The following TBC1D10B variants were observed in gnomAD, a reference collection of about 807,000 sequenced individuals.
The protein encoded by TBC1D10B is TBC1 domain family member 10B, also known as Rab27A-GAPbeta.
Under a neutral mutation model 78.4 loss-of-function variants are expected in TBC1D10B, and 25 were observed. The observed-to-expected ratio is 0.32, with a 90% CI of 0.23 to 0.45. TBC1D10B has a LOEUF of 0.45. TBC1D10B is among the 20% of genes least tolerant of loss of function. The pLI is 1.00. For synonymous variants in TBC1D10B, 517 were observed against 478.0 expected (o/e 1.08, Z -1.06); for missense variants, 996 against 1,104.8 (o/e 0.90, Z 1.40).
In TBC1D10B at chr16:30,357,742, G is replaced by T. The variant is rs958326406; in HGVS notation, c.*202C>A. On this transcript the variant is annotated 3_prime_UTR_variant, in exon 9 of 9. Transcript: ENST00000409939. ...GAGACCCCAGCTGAGCCTCATGGGA[G>T]ATGAGAGGCTCCAGACTCATTTGCA... The T allele has an allele frequency of 4.1e-6, 3 of 723,426 alleles. No individual in the cohort carries two copies. Among genetic ancestry groups the T allele is most frequent in the African/African-American group, 1.8e-5 (1 of 56,330 alleles). 44.8% of individuals were successfully genotyped at this position (723,426 alleles called of 1,614,324 possible).
chr16:30,361,567 G>A (rs2049598798), intron 4 of TBC1D10B, among the ~76,000 whole-genome samples: 1 of 150,836 alleles, frequency 6.6e-6, no homozygotes, highest in Non-Finnish European at 1.5e-5. Context: ...TAAAATGCCC[G>A]GCTAATTTTG....
In TBC1D10B at chr16:30,365,989, T is replaced by C. The variant is rs2049632505; in HGVS notation, c.957-395A>G. 2 of 233,252 alleles carry C rather than the reference T, an allele frequency of 8.6e-6. No homozygotes were observed. The highest frequency in any genetic ancestry group is 1.8e-5 in the Non-Finnish European group (2 of 114,210). The allele number at this position is 233,252 out of a possible 1,614,324, so 14.4% of individuals were successfully genotyped here. A position where few individuals can be genotyped will look rare whatever the true frequency, so the allele number is the denominator to read the frequency against. On this transcript the variant is annotated intron_variant, in intron 1 of 8. Coordinates refer to ENST00000409939, the MANE Select transcript of TBC1D10B (RefSeq NM_015527.4). This position sits in a 1 kb window ranked among gnomAD's most constrained non-coding sequence, Gnocchi z 5.0. ...CTGTAAGGTGGAGAAAGTAACAATA[T>C]CTACCCGAAGGGGTTTATACGAAAT...
At chr16:30,359,044 A>C in intron 7 of TBC1D10B, 128 bp downstream of exon 7, 2 of 1,312,750 alleles carry the variant, frequency 1.5e-6, no homozygotes, top group East Asian at 5.1e-5. Context: ...TCCAGCCCCC[A>C]GCTGCTTATG....
intron 4 of TBC1D10B, 100 bp downstream of exon 4, chr16:30,364,800 G>T: frequency 1.8e-6 from 2 of 1,098,596 alleles, no homozygotes; most frequent in Non-Finnish European, 2.6e-6. Flanking sequence ...AGTCCTGAAG[G>T]GCAAAAACCA....
intron 4 of TBC1D10B, among the ~76,000 whole-genome samples, chr16:30,364,126 A>C: frequency 6.6e-6 from 1 of 151,732 alleles, no homozygotes; most frequent in African/African-American, 2.4e-5. Context: ...TCAAAAAAAA[A>C]AAAAAAGAAA....
Position 30,369,425 on chromosome 16 carries a change from T to C in TBC1D10B, c.759A>G (p.Gly253=). 1 of 1,567,360 alleles carries C rather than the reference T, an allele frequency of 6.4e-7. No individual in the cohort carries two copies. Among genetic ancestry groups the C allele is most frequent in the Non-Finnish European group, 8.6e-7 (1 of 1,156,274 alleles). ...GCCCTCGAGGCCCAGAGATGCCAGG[T>C]CCCAGGCTGGACGTGGAGCCCAGGT... is the stretch of plus-strand genomic sequence containing the variant. ...SQDLGSTSSL[G]PGISGPRGQA... is the part of the protein sequence containing the mutation. Residue 253 remains glycine, a synonymous_variant, in exon 1 of 9, where the codon GGA becomes GGG. Coordinates refer to ENST00000409939, the MANE Select transcript of TBC1D10B (RefSeq NM_015527.4). The surrounding 1 kb of genome is among the most constrained non-coding windows in gnomAD (Gnocchi z 4.3).
chr16:30,364,908 C>A lies in TBC1D10B; in HGVS notation c.1263G>T (p.Gly421=). 6.2e-7 allele frequency: 1 copy of A among 1,610,026 alleles called. No individual in the cohort carries two copies. The highest frequency in any genetic ancestry group is 8.5e-7 in the Non-Finnish European group (1 of 1,178,206). Residue 421 remains glycine, a synonymous_variant, in exon 4 of 9, where the codon GGG becomes GGT. Coordinates refer to ENST00000409939, the MANE Select transcript of TBC1D10B (RefSeq NM_015527.4). ...FPFHEMFAAR[G]GHGQQDLYRI... ...TGGTCCGGCCACCTTACCCATGCCC[C>A]CCTCGAGCAGCAAACATCTCGTGGA... is the stretch of plus-strand genomic sequence containing the variant.
chr16:30,358,489 G>C lies in TBC1D10B; in HGVS notation c.1882C>G (p.Leu628Val). 6.2e-7 allele frequency: 1 copy of C among 1,600,004 alleles called. No homozygotes were observed. Among genetic ancestry groups the C allele is most frequent in the East Asian group, 2.3e-5 (1 of 44,062 alleles). The change falls in exon 9 of 9, where the codon CTG (leucine) becomes GTG (valine). Residue 628 changes from leucine (L) to valine (V), a missense_variant. Coordinates refer to ENST00000409939, the MANE Select transcript of TBC1D10B (RefSeq NM_015527.4). ...AGTCGCCGTGAGGGCCGATACTGCA[G>C]CTCCCCCCGCGTTTCCCGCCACTTC... Reference protein sequence around the residue: ...LKKWRETRGELQYRPSRRLHG... With the variant: ...LKKWRETRGEVQYRPSRRLHG...
chr16:30,358,040 C>T lies in TBC1D10B; in HGVS notation c.2331G>A (p.Arg777=). The part of the protein sequence containing the change: ...RQKQEKKAQG[R]KLSLRRKADG... ...CTGCCTTTCGACGCAGCGAAAGCTT[C>T]CGGCCTTGAGCCTTCTTCTCCTGCT... The change falls in exon 9 of 9, where the codon CGG becomes CGA. Residue 777 remains arginine (R), a synonymous_variant. Transcript: ENST00000409939. 6.4e-7 allele frequency: 1 copy of T among 1,551,898 alleles called. No homozygotes were observed. Among genetic ancestry groups the T allele is most frequent in the Non-Finnish European group, 8.7e-7 (1 of 1,147,028 alleles).
Position 30,357,568 on chromosome 16 carries a change from C to G in TBC1D10B, c.*376G>C, listed in dbSNP as rs190425627. The G allele has an allele frequency of 3.9e-6, 1 of 255,512 alleles. No individual in the cohort carries two copies. The highest frequency in any genetic ancestry group is 7.6e-6 in the Non-Finnish European group (1 of 132,026). The allele number at this position is 255,512 out of a possible 1,614,324, so 15.8% of individuals were successfully genotyped here. On this transcript the variant is annotated 3_prime_UTR_variant, in exon 9 of 9. Transcript: ENST00000409939. ...AGGGCTGAAGACAGGGAAAAGGAAG[C>G]CAGCTCCACCTCATGGTAAGGGGAG...
chr16:30,357,586 A>G lies in TBC1D10B; in HGVS notation c.*358T>C, dbSNP rs2049561656. Reference sequence around the variant, plus strand: ...AAGGAAGCCAGCTCCACCTCATGGTAAGGGGAGCTATGGAGTGTAAGAATC... The same window carrying G: ...AAGGAAGCCAGCTCCACCTCATGGTGAGGGGAGCTATGGAGTGTAAGAATC... On this transcript the variant is annotated 3_prime_UTR_variant, in exon 9 of 9. Transcript: ENST00000409939. 3 of 280,222 alleles carry G rather than the reference A, an allele frequency of 1.1e-5. No homozygotes were observed. The highest frequency in any genetic ancestry group is 4.7e-5 in the Admixed American group (1 of 21,150). 17.4% of individuals were successfully genotyped at this position (280,222 alleles called of 1,614,324 possible).
chr16:30,365,783 G>T lies in TBC1D10B; in HGVS notation c.957-189C>A. ...ACTGAAAGGGCTTCCTTCCCTGATG[G>T]ATCTCTATTCAGAGGTCATATTTAA... On this transcript the variant is annotated intron_variant, in intron 1 of 8. Coordinates refer to ENST00000409939, the MANE Select transcript of TBC1D10B (RefSeq NM_015527.4). This position sits in a 1 kb window ranked among gnomAD's most constrained non-coding sequence, Gnocchi z 5.0. 1 of 588,090 alleles carries T rather than the reference G, an allele frequency of 1.7e-6. No individual in the cohort carries two copies. The highest frequency in any genetic ancestry group is 2.9e-5 in the East Asian group (1 of 34,482). 36.4% of individuals were successfully genotyped at this position (588,090 alleles called of 1,614,324 possible).
rs1015538478 is a variant in TBC1D10B at position 30,359,754 on chromosome 16, C to A, written c.1359G>T (p.Ala453=). 1.3e-6 allele frequency: 2 copies of A among 1,589,224 alleles called. No homozygotes were observed. The highest frequency in any genetic ancestry group is 2.3e-5 in the East Asian group (1 of 43,594). Residue 453 remains alanine (A), a synonymous_variant, in exon 5 of 9, where the codon GCG becomes GCT. Transcript: ENST00000409939. The part of the protein sequence containing the change: ...GYCQAQAPVA[A]VLLMHMPAEQ... The stretch of plus-strand genomic sequence containing the variant: ...CCGCAGGCATGTGCATGAGCAGGAC[C>A]GCAGCCACGGGGGCCTGGGCCTGGC...
chr16:30,365,363 T>C lies in TBC1D10B; in HGVS notation c.1056+132A>G. The C allele has an allele frequency of 1.6e-6, 2 of 1,283,908 alleles. No homozygotes were observed. The highest frequency in any genetic ancestry group is 2.5e-5 in the South Asian group (2 of 80,358). The allele number at this position is 1,283,908 out of a possible 1,614,324, so 79.5% of individuals were successfully genotyped here. The stretch of plus-strand genomic sequence containing the variant: ...GCCTGGACTTCTATTTTTAAAGCCA[T>C]TCCCCCGCCAGGGCCCATCTATCCC... On this transcript the variant is annotated intron_variant, in intron 2 of 8. Transcript: ENST00000409939. The surrounding 1 kb of genome is among the most constrained non-coding windows in gnomAD (Gnocchi z 5.0).
chr16:30,358,321 G>T lies in TBC1D10B; in HGVS notation c.2050C>A (p.Arg684Ser). The change falls in exon 9 of 9, where the codon CGC becomes AGC. Residue 684 changes from arginine to serine, a missense_variant. Physicochemically the swap from Arg to Ser is moderately radical, Grantham distance 110. Around this residue, in one of 5 missense-constraint regions of TBC1D10B, gnomAD observed 285 missense variants for 252.5 expected, o/e 1.13. Transcript: ENST00000409939. ...GGAPSPPPPV[R>S]RASAGPAPGP... Reference sequence around the variant, plus strand: ...GGGGCAGGCCCAGCACTGGCTCTGCGGACGGGGGGCGGCGGGGACGGGGCC... The same window carrying T: ...GGGGCAGGCCCAGCACTGGCTCTGCTGACGGGGGGCGGCGGGGACGGGGCC... 6.3e-7 allele frequency: 1 copy of T among 1,575,412 alleles called. No individual in the cohort carries two copies. The highest frequency in any genetic ancestry group is 2.3e-5 in the East Asian group (1 of 42,592).
intron 1 of TBC1D10B, among the ~76,000 whole-genome samples, chr16:30,368,404 A>G (rs181750168): frequency 6.6e-6 from 1 of 152,120 alleles, no homozygotes; most frequent in Non-Finnish European, 1.5e-5. Flanking sequence ...TGGCTCCTTG[A>G]AAGGACTATT....
chr16:30,367,492 T>C (rs2049645821), intron 1 of TBC1D10B: 1 of 152,078 alleles, frequency 6.6e-6, no homozygotes, highest in South Asian at 2.1e-4. Context: ...GGAAATGCAA[T>C]GACAAAGATG....
intron 1 of TBC1D10B, among the ~76,000 whole-genome samples, chr16:30,368,743 C>T (rs375155220): frequency 2.4e-4 from 37 of 152,278 alleles, no homozygotes; most frequent in African/African-American, 8.7e-4. Flanking sequence ...CTCTCTACTC[C>T]ATCCCTGGGA....
Position 30,370,319 on chromosome 16 carries a change from C to T in TBC1D10B, c.-136G>A. ...TCGGCGCGCGCCGGGGGCGGAGCGGCCGCTGGGCGCGCAGAGGCGGGGCAG... is the reference window on the plus strand; with the variant it reads ...TCGGCGCGCGCCGGGGGCGGAGCGGTCGCTGGGCGCGCAGAGGCGGGGCAG... On this transcript the variant is annotated 5_prime_UTR_variant, in exon 1 of 9. Coordinates refer to ENST00000409939, the MANE Select transcript of TBC1D10B (RefSeq NM_015527.4). 3.3e-6 allele frequency: 1 copy of T among 306,810 alleles called. No homozygotes were observed. Among genetic ancestry groups the T allele is most frequent in the Non-Finnish European group, 5.0e-6 (1 of 198,752 alleles). The allele number at this position is 306,810 out of a possible 1,614,324, so 19.0% of individuals were successfully genotyped here.
Sources: allele counts gnomAD v4.1 joint callset (sites outside exome capture counted in the v4.1 genomes callset), GRCh38; gene constraint gnomAD v4.1.1; regional missense constraint gnomAD v4.1.1; non-coding constraint Gnocchi (gnomAD v3.1); transcripts MANE v1.5; gene names NCBI Gene and HGNC (gene_info 2026-07-23, HGNC 2026-07-21).